TRIO: variants seen among roughly 807,000 people sequenced by gnomAD.
TRIO encodes the protein triple functional domain protein.
In TRIO, 58 loss-of-function variants were observed where a neutral mutation model predicts 351.9. The ratio of observed to expected loss-of-function variants is 0.16; its 90% confidence interval spans 0.13 to 0.21. The LOEUF (loss-of-function observed/expected upper bound fraction) is 0.21. Ranked by LOEUF, TRIO falls within the 10% of genes least tolerant of loss-of-function variation. TRIO has a pLI of 1.00. For synonymous variants in TRIO, 1,758 were observed against 1,595.7 expected (o/e 1.10, Z -2.42); for missense variants, 3,201 against 4,027.8 (o/e 0.79, Z 5.56).
At chr5:14,483,165 G>A (rs1215455337) in intron 46 of TRIO, among the ~76,000 whole-genome samples, 1 of 152,230 alleles carries the variant, frequency 6.6e-6, no homozygotes, top group Non-Finnish European at 1.5e-5. Context: ...AGGAGGTACT[G>A]AGCACTCAGC....
At position 14,497,873 on chromosome 5, in the gene TRIO, C is replaced by A; in HGVS notation, c.8046C>A (p.Asp2682Glu). 6.2e-7 allele frequency: 1 copy of A among 1,614,190 alleles called. No individual in the cohort carries two copies. Among genetic ancestry groups the A allele is most frequent in the Non-Finnish European group, 8.5e-7 (1 of 1,180,030 alleles). The change falls in exon 51 of 57, where the codon GAC (aspartate) becomes GAA (glutamate). Residue 2682 changes from aspartate to glutamate, a missense_variant and splice_region_variant. Physicochemically the swap from Asp to Glu is conservative, Grantham distance 45. Coordinates refer to ENST00000344204, the MANE Select transcript of TRIO (RefSeq NM_007118.4). The surrounding 1 kb of genome is among the most constrained non-coding windows in gnomAD (Gnocchi z 4.4). ...VKLLNPNYIY[D>E]VPPEFVIPLS... ...TTCTCAATCCCAACTACATTTATGA[C>A]GGTGAGTTCTGTTCTTTTTCTTCTA...
At chr5:14,307,347 G>A (rs1285195363) in intron 8 of TRIO, among the ~76,000 whole-genome samples, 8 of 152,196 alleles carry the variant, frequency 5.3e-5, no homozygotes, top group Admixed American at 4.6e-4. Flanking sequence ...GTCCAGCAAT[G>A]TGCGCTACAT....
intron 56 of TRIO, 64 bp downstream of exon 56, chr5:14,507,324 A>C (rs1000644551): frequency 2.9e-5 from 46 of 1,590,642 alleles, no homozygotes; most frequent in Non-Finnish European, 4.3e-6. Flanking sequence ...TGCGGGACAC[A>C]GAGCCCCCTC....
Position 14,400,943 on chromosome 5 carries a change from A to G in TRIO, c.4615-20A>G, listed in dbSNP as rs754924821. ...TAGAATTTTACTGTCACCTAATTAT[A>G]TAATTGTCTTTTTATCCAGACCTCA... is the stretch of plus-strand genomic sequence containing the variant. On this transcript the variant is annotated intron_variant, in intron 30 of 56. Transcript: ENST00000344204. 3.6e-5 allele frequency: 58 copies of G among 1,610,972 alleles called. No individual in the cohort carries two copies. The highest frequency in any genetic ancestry group is 4.7e-5 in the Non-Finnish European group (55 of 1,177,858).
chr5:14,255,800 A>G (rs1186873809), intron 1 of TRIO, among the ~76,000 whole-genome samples: 3 of 152,140 alleles, frequency 2.0e-5, no homozygotes, highest in African/African-American at 4.8e-5. Flanking sequence ...CAGGTGTGGA[A>G]TTTTCCACTT....
At chr5:14,391,296 A>C (rs111420681) in intron 27 of TRIO, among the ~76,000 whole-genome samples, 1,996 of 152,302 alleles carry the variant, frequency 0.013, 37 homozygotes, top group African/African-American at 0.045. Context: ...ATTACTATTT[A>C]TATTCAATAC....
At chr5:14,254,631 T>C (rs569460938) in intron 1 of TRIO, among the ~76,000 whole-genome samples, 29 of 152,206 alleles carry the variant, frequency 1.9e-4, no homozygotes, top group African/African-American at 6.5e-4. Context: ...GGCAGGAAGG[T>C]TTTTGGTCTC....
chr5:14,171,155 T>C (rs1388765797), intron 1 of TRIO, among the ~76,000 whole-genome samples: 12 of 152,212 alleles, frequency 7.9e-5, no homozygotes, highest in Non-Finnish European at 1.6e-4. Context: ...CGAACCTGAC[T>C]TGCCCAAGAA....
In TRIO at chr5:14,488,106, C is replaced by T. The variant is rs766976574; in HGVS notation, c.7478C>T (p.Pro2493Leu). The change falls in exon 48 of 57, where the codon CCC becomes CTC. Residue 2493 changes from proline (P) to leucine (L), a missense_variant. Coordinates refer to ENST00000344204, the MANE Select transcript of TRIO (RefSeq NM_007118.4). Reference sequence around the variant, plus strand: ...TTCTGGAGCTCCATCCCCGCCTCCCCCGCCAGCCGACCCGGCTCCTTCACC... The same window carrying T: ...TTCTGGAGCTCCATCCCCGCCTCCCTCGCCAGCCGACCCGGCTCCTTCACC... ...GSFWSSIPAS[P>L]ASRPGSFTFP... The T allele has an allele frequency of 6.8e-6, 11 of 1,609,798 alleles. No homozygotes were observed. The African/African-American group carries it at 8.0e-5, about 12-fold the overall frequency.
chr5:14,480,743 C>A (rs953112711), intron 43 of TRIO, among the ~76,000 whole-genome samples: 3 of 152,170 alleles, frequency 2.0e-5, no homozygotes, highest in Admixed American at 2.0e-4. Context: ...AGCTTGAAAT[C>A]TACGTAGGAA....
At chr5:14,309,557 G>A (rs933115645) in intron 8 of TRIO, among the ~76,000 whole-genome samples, 2 of 152,210 alleles carry the variant, frequency 1.3e-5, no homozygotes, top group African/African-American at 4.8e-5. Flanking sequence ...TTAAAATGCA[G>A]CAGTACTCTA....
At chr5:14,476,411 G>A (rs578138323) in intron 40 of TRIO, among the ~76,000 whole-genome samples, 30 of 152,244 alleles carry the variant, frequency 2.0e-4, no homozygotes, top group Non-Finnish European at 3.8e-4. Context: ...TTAACAAAAG[G>A]TTTTCCTTGT....
chr5:14,390,409 A>G (rs1308194088), intron 26 of TRIO, 109 bp downstream of exon 26: 14 of 979,856 alleles, frequency 1.4e-5, no homozygotes, highest in East Asian at 2.5e-5. Flanking sequence ...GCTCATATCC[A>G]TGCTTGCGGA....
At chr5:14,362,238 C>T (rs1238038282) in intron 13 of TRIO, among the ~76,000 whole-genome samples, 1 of 152,202 alleles carries the variant, frequency 6.6e-6, no homozygotes, top group Non-Finnish European at 1.5e-5. Flanking sequence ...TTGGTTATGG[C>T]TGTGCTATAG....
intron 4 of TRIO, among the ~76,000 whole-genome samples, chr5:14,287,715 A>C (rs923387505): frequency 1.3e-5 from 2 of 152,220 alleles, no homozygotes; most frequent in African/African-American, 4.8e-5. Context: ...CAGTTAGTTT[A>C]ATGAGATGAT....
intron 1 of TRIO, among the ~76,000 whole-genome samples, chr5:14,226,263 G>C (rs1368659491): frequency 6.6e-6 from 1 of 152,126 alleles, no homozygotes; most frequent in East Asian, 1.9e-4. Flanking sequence ...CCAACTGCCT[G>C]TCTGATTGGT....
intron 19 of TRIO, 72 bp from the exon 20 acceptor site, chr5:14,377,940 A>G: frequency 8.4e-7 from 1 of 1,184,430 alleles, no homozygotes; most frequent in Non-Finnish European, 1.2e-6. Context: ...TCTAAATAAA[A>G]ATGAATGGAA....
intron 1 of TRIO, among the ~76,000 whole-genome samples, chr5:14,262,208 C>A (rs1323392228): frequency 6.6e-6 from 1 of 152,062 alleles, no homozygotes; most frequent in Non-Finnish European, 1.5e-5. Context: ...TTTGATATTT[C>A]CCCTGCAGTG....
Position 14,483,718 on chromosome 5 carries a change from T to C in TRIO, c.6657+945T>C, listed in dbSNP as rs138317355. 7.2e-3 allele frequency among the ~76,000 whole-genome samples: 1,094 copies of C among 152,228 alleles called. 11 individuals carry two copies. The highest frequency in any genetic ancestry group is 8.6e-3 in the Non-Finnish European group (582 of 67,996). On this transcript the variant is annotated intron_variant, in intron 46 of 56. Coordinates refer to ENST00000344204, the MANE Select transcript of TRIO (RefSeq NM_007118.4). ...AACAGCTGGAGAAGGAGGCCGCCTC[T>C]GCATGAGGCTGGGCTGCGGGCCCTC...
Sources: gnomAD v4.1 joint callset for allele counts (sites outside exome capture counted in the v4.1 genomes callset) on GRCh38, gnomAD v4.1.1 for gene constraint, Gnocchi (gnomAD v3.1) non-coding constraint, MANE v1.5 for transcripts, NCBI Gene and HGNC (gene_info 2026-07-23, HGNC 2026-07-21) for gene names.